The following FAM53A variants were observed in gnomAD, a reference collection of about 807,000 sequenced individuals.
FAM53A encodes protein FAM53A.
In FAM53A, 28 loss-of-function variants were observed where a neutral mutation model predicts 26.6. That is an observed-to-expected ratio of 1.05 (90% CI 0.78 to 1.45). The LOEUF is 1.45. Ranked by LOEUF, FAM53A falls within the 40% of genes most tolerant of loss-of-function variation. FAM53A has a pLI of 0.00. For missense variants in FAM53A, 650 were observed against 575.8 expected (o/e 1.13, Z -1.32); for synonymous variants, 290 against 253.1 (o/e 1.15, Z -1.38).
rs899970766 is a variant in FAM53A, at chr4:1,655,199, G to A, written c.661C>T (p.Arg221Cys). ...AGTCGCTCCTGTGAGAGGGACGGGC[G>A]GCGCCTCGTGGAGGGCAAGCAGGAC... ...AESCLPSTRR[R>C]PSLSQERLAG... The change falls in exon 4 of 5, where the codon CGC (arginine) becomes TGC (cysteine). Residue 221 changes from arginine to cysteine, a missense_variant. Transcript: ENST00000308132. 17 of 1,557,792 alleles carry A rather than the reference G, an allele frequency of 1.1e-5. 1 individual carries two copies. Among genetic ancestry groups the A allele is most frequent in the African/African-American group, 8.2e-5 (6 of 72,794 alleles).
chr4:1,627,167 C>T (rs1312959675), intron 1 of FAM53A, among the ~76,000 whole-genome samples: 3 of 152,202 alleles, frequency 2.0e-5, no homozygotes, highest in Non-Finnish European at 4.4e-5. Flanking sequence ...CACAGCCTCC[C>T]TCAGCCAACC....
chr4:1,645,922 C>G (rs962920348), intron 4 of FAM53A, among the ~76,000 whole-genome samples: 1 of 152,188 alleles, frequency 6.6e-6, no homozygotes, highest in African/African-American at 2.4e-5. Context: ...TCCTGCGGGC[C>G]TGCACAAGAC....
chr4:1,639,481 G>A (rs2108795163), downstream of FAM53A, among the ~76,000 whole-genome samples: 1 of 152,320 alleles, frequency 6.6e-6, no homozygotes, highest in East Asian at 1.9e-4. Flanking sequence ...ACTCTCTTGA[G>A]CCCCTGTTCT....
At chr4:1,631,210 G>A (rs1046979975) in intron 1 of FAM53A, among the ~76,000 whole-genome samples, 3 of 152,216 alleles carry the variant, frequency 2.0e-5, no homozygotes, top group African/African-American at 2.4e-5. Context: ...GCTGAGGCAG[G>A]CGGAGACCCT....
intron 1 of FAM53A, among the ~76,000 whole-genome samples, chr4:1,677,137 A>G (rs1159802237): frequency 1.3e-5 from 2 of 151,746 alleles, no homozygotes; most frequent in Non-Finnish European, 2.9e-5. Flanking sequence ...TGAAGACCAC[A>G]CCTCTTCTCT....
intron 4 of FAM53A, among the ~76,000 whole-genome samples, chr4:1,649,084 G>A (rs1021408706): frequency 6.7e-6 from 1 of 150,262 alleles, no homozygotes; most frequent in African/African-American, 2.5e-5. Context: ...CTGCAGTCCA[G>A]CGTGGGCAAC....
rs758097777 is a variant in FAM53A at position 1,655,177 on chromosome 4, C to T, written c.683G>A (p.Arg228Gln). The T allele has an allele frequency of 2.1e-5, 33 of 1,571,380 alleles. No homozygotes were observed. The highest frequency in any genetic ancestry group is 2.7e-5 in the Non-Finnish European group (31 of 1,164,812). The change falls in exon 4 of 5, where the codon CGA (arginine) becomes CAA (glutamine). Residue 228 changes from arginine (R) to glutamine (Q), a missense_variant. Transcript: ENST00000308132. ...TRRRPSLSQERLAGAGTPLPW... is the reference protein window; with the variant it reads ...TRRRPSLSQEQLAGAGTPLPW... ...CAGGGGAGTGCCCGCACCCGCGAGT[C>T]GCTCCTGTGAGAGGGACGGGCGGCG...
chr4:1,655,841 C>A (rs977869929), intron 3 of FAM53A, 118 bp from the exon 4 acceptor site: 1 of 1,233,144 alleles, frequency 8.1e-7, no homozygotes, highest in Non-Finnish European at 1.1e-6. Context: ...TCGCCGCCAC[C>A]CCTGGGCGTG....
At chr4:1,588,555 C>T in the FAM53A span, among the ~76,000 whole-genome samples, 78 of 152,292 alleles carry the variant, frequency 5.1e-4, no homozygotes, top group African/African-American at 1.8e-3. Context: ...GGCAGGTCCA[C>T]ATGGTCAGGA....
chr4:1,623,791 A>C (rs771986166), intron 1 of FAM53A, among the ~76,000 whole-genome samples: 21 of 152,224 alleles, frequency 1.4e-4, no homozygotes, highest in Non-Finnish European at 2.8e-4. Flanking sequence ...TGAAAATATC[A>C]ATCAAAAACT....
At chr4:1,653,692 G>A (rs889297560) in intron 4 of FAM53A, among the ~76,000 whole-genome samples, 1 of 152,222 alleles carries the variant, frequency 6.6e-6, no homozygotes, top group Admixed American at 6.5e-5. Flanking sequence ...AGGGAAGTCT[G>A]GGTTTTCAAC....
Position 1,662,585 on chromosome 4 carries a change from G to C in FAM53A, c.76-5117C>G, listed in dbSNP as rs1056156709. Among the ~76,000 whole-genome samples, 3 of 149,578 alleles carry C rather than the reference G, an allele frequency of 2.0e-5. No homozygotes were observed. The Admixed American group carries it at 2.0e-4, about 10-fold the overall frequency. ...GGATCACTTGAGCCCAGGAGGTCGAGGCTGCAGTGAGCAGTGATTGAGACC... is the reference window on the plus strand; with the variant it reads ...GGATCACTTGAGCCCAGGAGGTCGACGCTGCAGTGAGCAGTGATTGAGACC... On this transcript the variant is annotated intron_variant, in intron 2 of 4. Coordinates refer to ENST00000308132, the MANE Select transcript of FAM53A (RefSeq NM_001174070.3).
the FAM53A span, chr4:1,574,469 GGA>G: frequency 1.3e-5 from 2 of 152,522 alleles, no homozygotes; most frequent in African/African-American, 4.8e-5. Context: ...CTGTGTGTGG[GGA>G]GAGTCAGTGA....
At chr4:1,625,937 C>A (rs1246371418) in intron 1 of FAM53A, among the ~76,000 whole-genome samples, 3 of 152,234 alleles carry the variant, frequency 2.0e-5, no homozygotes, top group Non-Finnish European at 4.4e-5. Context: ...CGGGTGGGAT[C>A]TGGGCTTCCA....
intron 1 of FAM53A, among the ~76,000 whole-genome samples, chr4:1,619,781 G>A (rs922704906): frequency 2.0e-5 from 3 of 152,194 alleles, no homozygotes; most frequent in African/African-American, 2.4e-5. Flanking sequence ...GCGTCCACAC[G>A]CAAAGCCCTG....
At chr4:1,614,343 A>AGAGACGTGAGGGGCATG (rs1560099241), downstream of FAM53A, among the ~76,000 whole-genome samples, 1,022 of 140,238 alleles carry the variant, frequency 7.3e-3, 128 homozygotes, top group African/African-American at 0.03. Flanking sequence ...TGAGGGGGAT[A>AGAGACGTGAGGGGCATG]CAGAGAAGTG....
the FAM53A span, among the ~76,000 whole-genome samples, chr4:1,594,303 G>A: frequency 6.6e-6 from 1 of 152,200 alleles, no homozygotes; most frequent in Admixed American, 6.5e-5. Context: ...GTGGAAGAAG[G>A]GGAGGGACCC....
chr4:1,656,771 G>C (rs1324435392), intron 3 of FAM53A, among the ~76,000 whole-genome samples: 1 of 152,190 alleles, frequency 6.6e-6, no homozygotes, highest in African/African-American at 2.4e-5. Flanking sequence ...CTGGCGCTCA[G>C]CAAGGTGAGC....
chr4:1,655,479 G>T lies in FAM53A; in HGVS notation c.381C>A (p.Pro127=), dbSNP rs368756950. Residue 127 remains proline (P), a synonymous_variant, in exon 4 of 5, where the codon CCC becomes CCA. Transcript: ENST00000308132. ...GGGACCGGCAGCGCACAAGCTCCTC[G>T]GGTTCTGACAAGGACCGGCAATGCC... ...TKRHCRSLSE[P]EELVRCRSPW... is the part of the protein sequence containing the mutation. The T allele has an allele frequency of 1.7e-5, 27 of 1,574,102 alleles. No individual in the cohort carries two copies. The highest frequency in any genetic ancestry group is 2.2e-5 in the Non-Finnish European group (26 of 1,158,634).
Sources: gnomAD v4.1 joint callset for allele counts (sites outside exome capture counted in the v4.1 genomes callset) on GRCh38, gnomAD v4.1.1 for gene constraint, MANE v1.5 for transcripts, NCBI Gene and HGNC (gene_info 2026-07-23, HGNC 2026-07-21) for gene names.